Variants in GRAMD1B observed in about 807,000 individuals in gnomAD.
GRAMD1B encodes protein Aster-B.
Under a neutral mutation model 99.7 loss-of-function variants are expected in GRAMD1B, and 37 were observed. The ratio of observed to expected loss-of-function variants is 0.37; its 90% CI spans 0.29 to 0.49. The LOEUF is 0.49. Ranked by LOEUF, GRAMD1B falls within the 20% of genes least tolerant of loss-of-function variation. GRAMD1B has a pLI of 0.98. For synonymous variants in GRAMD1B, 427 were observed against 387.6 expected (o/e 1.10, Z -1.19); for missense variants, 888 against 1,009.2 (o/e 0.88, Z 1.63).
At chr11:123,536,919 C>A (rs1944025715) in intron 2 of GRAMD1B, among the ~76,000 whole-genome samples, 1 of 152,188 alleles carries the variant, frequency 6.6e-6, no homozygotes, top group African/African-American at 2.4e-5. Context: ...TCACCAATGA[C>A]CTCATCTCTA....
chr11:123,595,810 C>A (rs1007184636), intron 6 of GRAMD1B, 132 bp from the exon 7 acceptor site: 1 of 570,244 alleles, frequency 1.8e-6, no homozygotes, highest in Non-Finnish European at 3.2e-6. Context: ...ATCACCAATG[C>A]GGCCTCTTCC....
chr11:123,620,681 C>A (rs533193286), intron 19 of GRAMD1B, among the ~76,000 whole-genome samples: 3 of 152,010 alleles, frequency 2.0e-5, no homozygotes, highest in Admixed American at 2.0e-4. Context: ...GAAGGGAACA[C>A]GAGGGTGAGG....
chr11:123,587,791 A>G lies in GRAMD1B; in HGVS notation c.684+3459A>G. Among the ~76,000 whole-genome samples, 1 of 152,156 alleles carries G rather than the reference A, an allele frequency of 6.6e-6. No homozygotes were observed. Among genetic ancestry groups the G allele is most frequent in the Non-Finnish European group, 1.5e-5 (1 of 68,034 alleles). ...GCCTGGGGAGTGGCTGGCACAAGCG[A>G]GAAAGCAAAAGAACAAAGGTTTGTA... On this transcript the variant is annotated intron_variant, in intron 4 of 19. Coordinates refer to ENST00000635736, the MANE Select transcript of GRAMD1B (RefSeq NM_001387025.1). This position sits in a 1 kb window ranked among gnomAD's most constrained non-coding sequence, Gnocchi z 4.2.
At chr11:123,512,953 T>C (rs1941189306) in intron 2 of GRAMD1B, among the ~76,000 whole-genome samples, 1 of 152,076 alleles carries the variant, frequency 6.6e-6, no homozygotes, top group African/African-American at 2.4e-5. Context: ...TTTTAACTGA[T>C]CAAGATGCTT....
intron 4 of GRAMD1B, among the ~76,000 whole-genome samples, chr11:123,589,642 A>ATATATATATATATATATAT (rs1950446757): frequency 7.2e-6 from 1 of 139,472 alleles, no homozygotes; most frequent in African/African-American, 2.6e-5. Flanking sequence ...ATATATTTGT[A>ATATATATATATATATATAT]GTAGAGACGG....
At chr11:123,371,840 C>G (rs947532288) in intron 1 of GRAMD1B, among the ~76,000 whole-genome samples, 1 of 152,212 alleles carries the variant, frequency 6.6e-6, no homozygotes, top group Non-Finnish European at 1.5e-5. Context: ...TTACCCCAGG[C>G]TCAGCCTCAA....
chr11:123,595,969 T>G lies in GRAMD1B; in HGVS notation c.901T>G (p.Ser301Ala), dbSNP rs1340791303. The change falls in exon 7 of 20, where the codon TCC becomes GCC. Residue 301 changes from serine to alanine, a missense_variant. Coordinates refer to ENST00000635736, the MANE Select transcript of GRAMD1B (RefSeq NM_001387025.1). ...LLTVRLKDIC[S>A]MTKEKTARLI... ...GACAGTCCGTTTGAAAGACATCTGT[T>G]CCATGACTAAAGAAAAAACAGCTCG... 1 of 1,608,426 alleles carries G rather than the reference T, an allele frequency of 6.2e-7. No homozygotes were observed. The highest frequency in any genetic ancestry group is 8.5e-7 in the Non-Finnish European group (1 of 1,177,254).
chr11:123,619,285 T>G (rs529312928), intron 19 of GRAMD1B, 61 bp downstream of exon 19: 1 of 1,543,320 alleles, frequency 6.5e-7, no homozygotes, highest in Non-Finnish European at 8.7e-7. Flanking sequence ...CCTTCCCTTA[T>G]GCTGTGAGAA....
intron 1 of GRAMD1B, among the ~76,000 whole-genome samples, chr11:123,414,287 C>G (rs1275503074): frequency 6.6e-6 from 1 of 152,176 alleles, no homozygotes; most frequent in African/African-American, 2.4e-5. Context: ...TCAGGTGATC[C>G]ACCCGCTTTG....
Position 123,484,952 on chromosome 11 carries a change from G to A in GRAMD1B, c.452+4059G>A, listed in dbSNP as rs530696679. Among the ~76,000 whole-genome samples, 64 of 152,248 alleles carry A rather than the reference G, an allele frequency of 4.2e-4. 1 individual carries two copies. In the South Asian group the frequency reaches 0.013, roughly 30 times the overall value. ...ACCCTGGGGAGATGTGGGCAGTGGC[G>A]GGCATCTGGCCTGTGCTCCTCGTTC... On this transcript the variant is annotated intron_variant, in intron 2 of 19. Transcript: ENST00000635736.
At chr11:123,486,565 A>C (rs985474648) in intron 2 of GRAMD1B, among the ~76,000 whole-genome samples, 97 of 105,014 alleles carry the variant, frequency 9.2e-4, no homozygotes, top group Non-Finnish European at 1.8e-3. Flanking sequence ...AAAAAAAAAA[A>C]AAAACAAAAA....
chr11:123,562,133 G>C (rs1946840518), intron 2 of GRAMD1B, among the ~76,000 whole-genome samples: 1 of 152,144 alleles, frequency 6.6e-6, no homozygotes, highest in Non-Finnish European at 1.5e-5. Flanking sequence ...AGGATCGCTT[G>C]AGCCTAGGAG....
intron 1 of GRAMD1B, among the ~76,000 whole-genome samples, chr11:123,397,219 C>A (rs1009806996): frequency 1.3e-5 from 2 of 152,054 alleles, no homozygotes; most frequent in African/African-American, 4.8e-5. Context: ...GCCTGGCCAA[C>A]ATGGCGAAAT....
intron 19 of GRAMD1B, among the ~76,000 whole-genome samples, chr11:123,620,402 A>T (rs1339872096): frequency 7.9e-6 from 1 of 126,418 alleles, no homozygotes. Context: ...TGAACCTGGG[A>T]GGTGGAGGTT....
chr11:123,474,715 C>T (rs1377260002), intron 1 of GRAMD1B, among the ~76,000 whole-genome samples: 1 of 82,834 alleles, frequency 1.2e-5, no homozygotes, highest in African/African-American at 5.0e-5. Flanking sequence ...TAATATATTT[C>T]CCCATTTTTA....
chr11:123,482,037 G>A (rs1172929290), intron 2 of GRAMD1B, among the ~76,000 whole-genome samples: 1 of 152,076 alleles, frequency 6.6e-6, no homozygotes, highest in Non-Finnish European at 1.5e-5. Context: ...GTAGAACAAT[G>A]GGTGGAAATC....
chr11:123,396,848 T>C (rs1436957576), intron 1 of GRAMD1B, among the ~76,000 whole-genome samples: 1 of 152,216 alleles, frequency 6.6e-6, no homozygotes, highest in Non-Finnish European at 1.5e-5. Flanking sequence ...TCTGTCATTA[T>C]GGGGATAATG....
rs541059171 is a variant in GRAMD1B at position 123,510,596 on chromosome 11, G to A, written c.452+29703G>A. The stretch of plus-strand genomic sequence containing the variant: ...CTTCCAGAGGGGTGGTTTGTTCTCC[G>A]TGGGTGGACGTTTGTGACTCTGCCT... On this transcript the variant is annotated intron_variant, in intron 2 of 19. Coordinates refer to ENST00000635736, the MANE Select transcript of GRAMD1B (RefSeq NM_001387025.1). This position sits in a 1 kb window ranked among gnomAD's most constrained non-coding sequence, Gnocchi z 4.3. 5.3e-5 allele frequency among the ~76,000 whole-genome samples: 8 copies of A among 152,304 alleles called. No individual in the cohort carries two copies. The highest frequency in any genetic ancestry group is 1.9e-4 in the African/African-American group (8 of 41,574).
chr11:123,397,101 G>A lies in GRAMD1B; in HGVS notation c.-176+38302G>A, dbSNP rs917150933. ...AACATTTTTTCCTGTGCTTATCTTCGTTCAATTAAAAAACAAAACAGGCCA... is the reference window on the plus strand; with the variant it reads ...AACATTTTTTCCTGTGCTTATCTTCATTCAATTAAAAAACAAAACAGGCCA... On this transcript the variant is annotated intron_variant, in intron 1 of 20. Transcript: ENST00000638157. Among the ~76,000 whole-genome samples the A allele has an allele frequency of 4.6e-5, 7 of 151,978 alleles. No individual in the cohort carries two copies. The South Asian group carries it at 6.2e-4, about 14-fold the overall frequency.
Sources: gnomAD v4.1 joint callset for allele counts (sites outside exome capture counted in the v4.1 genomes callset) on GRCh38, gnomAD v4.1.1 for gene constraint, Gnocchi (gnomAD v3.1) non-coding constraint, MANE v1.5 for transcripts, NCBI Gene and HGNC (gene_info 2026-07-23, HGNC 2026-07-21) for gene names.